The following GRM7 variants were observed in gnomAD, a reference collection of about 807,000 sequenced individuals.
The protein encoded by GRM7 is metabotropic glutamate receptor 7.
A neutral mutation model predicts 84.5 loss-of-function variants in GRM7; 35 were observed. The observed-to-expected ratio is 0.41, with a 90% CI of 0.32 to 0.55. The LOEUF is 0.55. Among genes scored for constraint, GRM7 ranks in the 20% least tolerant of loss-of-function variants. The pLI, the probability that GRM7 is intolerant of heterozygous loss-of-function variation, is 0.19. For synonymous variants in GRM7, 487 were observed against 455.1 expected, an observed-to-expected ratio of 1.07 and a Z score of -0.89; for missense variants, 1,003 against 1,194.6, an observed-to-expected ratio of 0.84 and a Z score of 2.36.
chr3:7,714,695 G>A (rs1242083551), intron 9 of GRM7, among the ~76,000 whole-genome samples: 1 of 152,130 alleles, frequency 6.6e-6, no homozygotes, highest in African/African-American at 2.4e-5. Flanking sequence ...CAGCCTGGTT[G>A]TACCAGCCAA....
chr3:7,480,468 G>C (rs1699085283), intron 7 of GRM7, among the ~76,000 whole-genome samples: 1 of 152,184 alleles, frequency 6.6e-6, no homozygotes, highest in African/African-American at 2.4e-5. Flanking sequence ...CTGTGTTAAA[G>C]TTGACTGAAG....
rs147249345 is a variant in GRM7, at chr3:7,083,654, T to A, written c.520-62798T>A. 4.6e-5 allele frequency among the ~76,000 whole-genome samples: 7 copies of A among 152,332 alleles called. No individual in the cohort carries two copies. The East Asian group carries it at 1.3e-3, about 29-fold the overall frequency. ...GTATAAACAGCTACTTTGTGTGAGA[T>A]CCTGTTCCAGGTGCTGAGAATCTAG... On this transcript the variant is annotated intron_variant, in intron 1 of 9. Coordinates refer to ENST00000357716, the MANE Select transcript of GRM7 (RefSeq NM_000844.4).
chr3:7,644,194 G>GTATATA (rs33935857), intron 8 of GRM7, among the ~76,000 whole-genome samples: 2 of 7,642 alleles, frequency 2.6e-4, no homozygotes, highest in African/African-American at 4.6e-4. Flanking sequence ...ATGTCTGTAC[G>GTATATA]TATATATATA....
chr3:6,869,259 G>T (rs920631953), intron 1 of GRM7, among the ~76,000 whole-genome samples: 1 of 151,886 alleles, frequency 6.6e-6, no homozygotes, highest in African/African-American at 2.4e-5. Flanking sequence ...TGATCAAAAA[G>T]GTACCACACC....
intron 2 of GRM7, among the ~76,000 whole-genome samples, chr3:7,178,548 T>C (rs1162832255): frequency 6.6e-6 from 1 of 152,154 alleles, no homozygotes; most frequent in Non-Finnish European, 1.5e-5. Flanking sequence ...GTTTGGTTTG[T>C]ATAGGTTTAT....
intron 7 of GRM7, among the ~76,000 whole-genome samples, chr3:7,552,068 C>G (rs1693504359): frequency 6.6e-6 from 1 of 152,184 alleles, no homozygotes; most frequent in Non-Finnish European, 1.5e-5. Context: ...AGAAACCACT[C>G]CCATAATTCA....
rs544650668 is a variant in GRM7, at chr3:7,534,289, C to T, written c.1516-44133C>T. On this transcript the variant is annotated intron_variant, in intron 7 of 9. Transcript: ENST00000357716. The stretch of plus-strand genomic sequence containing the variant: ...TCAGCCTCCCAAAGTGCTGTGATTA[C>T]AGGCGTGAGCCATGGCGCCCAGCTG... 5.3e-5 allele frequency among the ~76,000 whole-genome samples: 8 copies of T among 152,306 alleles called. No homozygotes were observed. The South Asian group carries it at 1.2e-3, about 24-fold the overall frequency.
At chr3:7,052,222 C>G (rs1284293766) in intron 1 of GRM7, among the ~76,000 whole-genome samples, 1 of 151,604 alleles carries the variant, frequency 6.6e-6, no homozygotes, top group Non-Finnish European at 1.5e-5. Flanking sequence ...TTTAAAGATT[C>G]CATGCTGGTA....
intron 2 of GRM7, among the ~76,000 whole-genome samples, chr3:7,223,602 T>C (rs1000586733): frequency 1.3e-5 from 2 of 152,194 alleles, no homozygotes; most frequent in African/African-American, 4.8e-5. Context: ...TATATTTTAT[T>C]TTGGGTATTT....
intron 7 of GRM7, among the ~76,000 whole-genome samples, chr3:7,573,011 T>C: frequency 6.6e-6 from 1 of 150,778 alleles, no homozygotes; most frequent in African/African-American, 2.4e-5. Flanking sequence ...CTAAATTCTG[T>C]TCGCTGTCTA....
chr3:7,208,527 C>G (rs553022773), intron 2 of GRM7, among the ~76,000 whole-genome samples: 1 of 152,192 alleles, frequency 6.6e-6, no homozygotes, highest in East Asian at 1.9e-4. Context: ...AGGTTCTGTG[C>G]TGGGTGGTTG....
At chr3:7,063,990 T>C (rs1434653521) in intron 1 of GRM7, among the ~76,000 whole-genome samples, 1 of 151,498 alleles carries the variant, frequency 6.6e-6, no homozygotes, top group Admixed American at 6.6e-5. Context: ...CGTGGGATCT[T>C]CTGATCCACA....
chr3:7,017,515 A>G (rs531309801), intron 1 of GRM7, among the ~76,000 whole-genome samples: 2 of 152,348 alleles, frequency 1.3e-5, no homozygotes, highest in South Asian at 4.1e-4. Flanking sequence ...ATAGTCTTAG[A>G]TGCTCAGAAG....
chr3:7,031,194 C>A (rs188387874), intron 1 of GRM7, among the ~76,000 whole-genome samples: 3 of 151,968 alleles, frequency 2.0e-5, no homozygotes, highest in Non-Finnish European at 4.4e-5. Flanking sequence ...ATGCATTTCT[C>A]TCCTTGTTTT....
chr3:7,716,135 A>G (rs2106515682), intron 9 of GRM7, among the ~76,000 whole-genome samples: 1 of 152,302 alleles, frequency 6.6e-6, no homozygotes, highest in East Asian at 1.9e-4. Flanking sequence ...TTTGGCCAAT[A>G]GAGAGCTTTC....
chr3:7,363,138 TATA>T (rs976736358), intron 4 of GRM7, among the ~76,000 whole-genome samples: 5 of 151,492 alleles, frequency 3.3e-5, no homozygotes, highest in African/African-American at 1.2e-4. Context: ...ATAAATAAAA[TATA>T]ATAAATGATA....
intron 1 of GRM7, among the ~76,000 whole-genome samples, chr3:7,132,668 C>G (rs1693642853): frequency 6.6e-6 from 1 of 152,082 alleles, no homozygotes; most frequent in African/African-American, 2.4e-5. Context: ...TCAAGTAAGC[C>G]TCTTTCAGGA....
At chr3:7,356,145 G>C (rs567883379) in intron 4 of GRM7, among the ~76,000 whole-genome samples, 1 of 152,210 alleles carries the variant, frequency 6.6e-6, no homozygotes, top group Admixed American at 6.5e-5. Flanking sequence ...GCTTTAGCTG[G>C]ATGGTCAGGG....
chr3:7,022,928 AC>A (rs1299332706), intron 1 of GRM7, among the ~76,000 whole-genome samples: 1 of 152,156 alleles, frequency 6.6e-6, no homozygotes, highest in Non-Finnish European at 1.5e-5. Flanking sequence ...TTATCCAATA[AC>A]CCAGTGTATT....
Sources: allele counts gnomAD v4.1 joint callset (sites outside exome capture counted in the v4.1 genomes callset), GRCh38; gene constraint gnomAD v4.1.1; transcripts MANE v1.5; gene names NCBI Gene and HGNC (gene_info 2026-07-23, HGNC 2026-07-21).